The following REDIC1 variants were observed in gnomAD, a reference collection of about 807,000 sequenced individuals.
REDIC1 encodes the protein HEI10 Interacting Protein 1.
At chr12:39,797,861 G>T in the REDIC1 span, among the ~76,000 whole-genome samples, 2 of 151,664 alleles carry the variant, frequency 1.3e-5, no homozygotes, top group African/African-American at 2.4e-5. Flanking sequence ...TTTAATTAAA[G>T]AATACTTCTA....
chr12:39,697,067 T>G, the REDIC1 span, among the ~76,000 whole-genome samples: 1 of 151,878 alleles, frequency 6.6e-6, no homozygotes, highest in South Asian at 2.1e-4. Context: ...CTCAAGGCAT[T>G]TAATAAACTC....
chr12:39,749,510 A>G, the REDIC1 span, among the ~76,000 whole-genome samples: 2 of 152,338 alleles, frequency 1.3e-5, no homozygotes, highest in South Asian at 4.1e-4. Flanking sequence ...AGCTGGTACC[A>G]TTCCTTCTGA....
chr12:39,702,351 C>A, the REDIC1 span, among the ~76,000 whole-genome samples: 1 of 152,194 alleles, frequency 6.6e-6, no homozygotes, highest in Non-Finnish European at 1.5e-5. Context: ...GGATAAATTA[C>A]TCAACACATA....
the REDIC1 span, among the ~76,000 whole-genome samples, chr12:39,779,536 C>CA: frequency 6.6e-6 from 1 of 152,290 alleles, no homozygotes; most frequent in Admixed American, 6.5e-5. Flanking sequence ...TACACATAGT[C>CA]AATAGCTCAA....
At chr12:39,868,762 C>T in the REDIC1 span, among the ~76,000 whole-genome samples, 1 of 152,014 alleles carries the variant, frequency 6.6e-6, no homozygotes, top group Admixed American at 6.6e-5. Context: ...TAATATTTAC[C>T]AGAAAAGTCC....
the REDIC1 span, among the ~76,000 whole-genome samples, chr12:39,883,284 G>A: frequency 0.24 from 35,726 of 151,904 alleles, 4,346 homozygotes; most frequent in South Asian, 0.31. Flanking sequence ...TTCTGAATAC[G>A]CCTCACCACC....
the REDIC1 span, chr12:39,755,678 A>T: frequency 6.6e-6 from 1 of 152,088 alleles, no homozygotes; most frequent in Non-Finnish European, 1.5e-5. Flanking sequence ...TTATGCTGAC[A>T]TGACAAAATC....
At chr12:39,847,667 C>A in the REDIC1 span, among the ~76,000 whole-genome samples, 1 of 152,156 alleles carries the variant, frequency 6.6e-6, no homozygotes, top group East Asian at 1.9e-4. Flanking sequence ...ACATTGGTCC[C>A]CAACTCCTTA....
the REDIC1 span, among the ~76,000 whole-genome samples, chr12:39,687,198 T>C: frequency 1.3e-5 from 2 of 152,178 alleles, no homozygotes; most frequent in Non-Finnish European, 2.9e-5. Flanking sequence ...CATTACCAAG[T>C]TCCAAAATTC....
chr12:39,714,240 T>TAC, the REDIC1 span, among the ~76,000 whole-genome samples: 5 of 141,310 alleles, frequency 3.5e-5, no homozygotes, highest in East Asian at 6.0e-4. Flanking sequence ...TATATGTATA[T>TAC]ATGTATATAC....
chr12:39,836,232 C>T, the REDIC1 span, among the ~76,000 whole-genome samples: 2 of 152,040 alleles, frequency 1.3e-5, no homozygotes, highest in African/African-American at 2.4e-5. Context: ...TAGACAATAG[C>T]CAATGATGCT....
the REDIC1 span, among the ~76,000 whole-genome samples, chr12:39,889,529 CTT>C: frequency 4.2e-5 from 5 of 119,856 alleles, no homozygotes; most frequent in Middle Eastern, 5.0e-3. Context: ...GGTAAACAAC[CTT>C]TTTTTTTTTT....
At chr12:39,657,360 G>A in the REDIC1 span, among the ~76,000 whole-genome samples, 5 of 152,074 alleles carry the variant, frequency 3.3e-5, no homozygotes, top group African/African-American at 9.7e-5. Context: ...TCCCATCTAG[G>A]TTTGTGTAAG....
At chr12:39,721,286 A>T in the REDIC1 span, 1 of 1,545,852 alleles carries the variant, frequency 6.5e-7, no homozygotes, top group Non-Finnish European at 8.8e-7. Context: ...GTAGAATTTC[A>T]CTTGCCCTTA....
At chr12:39,659,362 A>C in the REDIC1 span, among the ~76,000 whole-genome samples, 6 of 151,852 alleles carry the variant, frequency 4.0e-5, no homozygotes, top group African/African-American at 1.4e-4. Flanking sequence ...TTTATCCATT[A>C]TTTCTTCAAA....
chr12:39,670,743 CTT>C, the REDIC1 span, among the ~76,000 whole-genome samples: 277 of 145,854 alleles, frequency 1.9e-3, no homozygotes, highest in Non-Finnish European at 2.0e-3. Context: ...ATTTCTTCTT[CTT>C]TTTTTTTTTT....
chr12:39,764,738 A>G, the REDIC1 span: 2 of 1,611,874 alleles, frequency 1.2e-6, no homozygotes, highest in East Asian at 2.2e-5. Flanking sequence ...TTTGTTTACC[A>G]GGTGCAAAGA....
At chr12:39,869,467 G>C in the REDIC1 span, among the ~76,000 whole-genome samples, 1 of 152,126 alleles carries the variant, frequency 6.6e-6, no homozygotes, top group Non-Finnish European at 1.5e-5. Flanking sequence ...ACTTGAATTG[G>C]CCACATAATA....
chr12:39,642,165 G>T, the REDIC1 span, among the ~76,000 whole-genome samples: 1 of 151,656 alleles, frequency 6.6e-6, no homozygotes, highest in Non-Finnish European at 1.5e-5. Flanking sequence ...CAAAAAAATT[G>T]AGCTTAGTCT....
Sources: gnomAD v4.1 joint callset for allele counts (sites outside exome capture counted in the v4.1 genomes callset) on GRCh38, gnomAD v4.1.1 for gene constraint, MANE v1.5 for transcripts, NCBI Gene and HGNC (gene_info 2026-07-23, HGNC 2026-07-21) for gene names.